The following FHIT variants were observed in gnomAD, a reference collection of about 807,000 sequenced individuals.
FHIT encodes fragile histidine triad diadenosine triphosphatase, also known as bis(5'-adenosyl)-triphosphatase.
FHIT carries 19 observed loss-of-function variants against 17.9 expected under a neutral mutation model. The ratio of observed to expected loss-of-function variants is 1.06; its 90% CI spans 0.74 to 1.56. The LOEUF is 1.56. FHIT is among the 40% of genes most tolerant of loss of function. The pLI is 0.00. For synonymous variants in FHIT, 81 were observed against 69.7 expected (o/e 1.16, Z -0.81); for missense variants, 248 against 189.2 (o/e 1.31, Z -1.82).
intron 7 of FHIT, 28 bp from the exon 8 acceptor site, chr3:59,922,442 T>A (rs1405265421): frequency 1.3e-6 from 2 of 1,573,684 alleles, no homozygotes; most frequent in Non-Finnish European, 1.7e-6. Flanking sequence ...AGAAAAAAAA[T>A]GTGATTATCT....
intron 5 of FHIT, among the ~76,000 whole-genome samples, chr3:60,448,007 A>C (rs2031461474): frequency 6.6e-6 from 1 of 152,188 alleles, no homozygotes; most frequent in South Asian, 2.1e-4. Context: ...ATTTCAGAAT[A>C]TTACCCTGTT....
At chr3:60,312,851 C>A (rs1050701142) in intron 5 of FHIT, among the ~76,000 whole-genome samples, 2 of 152,052 alleles carry the variant, frequency 1.3e-5, no homozygotes, top group Non-Finnish European at 2.9e-5. Context: ...TTAAAAATAA[C>A]AAAACAAAAC....
chr3:60,608,484 G>A (rs1259529895), intron 4 of FHIT, among the ~76,000 whole-genome samples: 1 of 152,130 alleles, frequency 6.6e-6, no homozygotes, highest in African/African-American at 2.4e-5. Flanking sequence ...GTTCACCAGA[G>A]GTTCAGTCCA....
intron 4 of FHIT, among the ~76,000 whole-genome samples, chr3:60,701,834 G>C (rs1285825739): frequency 1.3e-5 from 2 of 152,144 alleles, no homozygotes; most frequent in Admixed American, 6.5e-5. Flanking sequence ...GGAAAGGGCT[G>C]TTATCATCTT....
intron 5 of FHIT, among the ~76,000 whole-genome samples, chr3:60,523,334 A>T (rs2035446236): frequency 4.6e-5 from 7 of 152,228 alleles, no homozygotes; most frequent in African/African-American, 1.4e-4. Context: ...GCTTTTTTTT[A>T]AAGCACTTAA....
intron 1 of FHIT, among the ~76,000 whole-genome samples, chr3:61,219,418 T>C (rs2039776652): frequency 6.6e-6 from 1 of 152,006 alleles, no homozygotes; most frequent in Admixed American, 6.6e-5. Context: ...CAAAAGTTCT[T>C]GTTCCAGAGT....
intron 3 of FHIT, among the ~76,000 whole-genome samples, chr3:60,872,118 C>T (rs111739854): frequency 6.8e-4 from 103 of 152,186 alleles, no homozygotes; most frequent in Middle Eastern, 3.4e-3. Flanking sequence ...TGCTGTGTGT[C>T]CCTAAGGGTG....
rs1706677582 is a variant in FHIT, at chr3:59,944,163, T to C, written c.280-21749A>G. 2.0e-5 allele frequency among the ~76,000 whole-genome samples: 3 copies of C among 152,214 alleles called. No homozygotes were observed. The South Asian group carries it at 6.2e-4, about 32-fold the overall frequency. On this transcript the variant is annotated intron_variant, in intron 7 of 9. Transcript: ENST00000492590. ...GAGATCCCTGGTAGTGTACTCTTCA[T>C]CTAGTTTCTCAAAGTACTATGCTGA...
At chr3:60,477,775 A>G (rs1057186141) in intron 5 of FHIT, among the ~76,000 whole-genome samples, 2 of 152,160 alleles carry the variant, frequency 1.3e-5, no homozygotes, top group Non-Finnish European at 2.9e-5. Flanking sequence ...CATAGTAAAC[A>G]TTTTTATCTT....
chr3:60,533,031 TA>T (rs2035843897), intron 5 of FHIT, among the ~76,000 whole-genome samples: 1 of 152,202 alleles, frequency 6.6e-6, no homozygotes, highest in South Asian at 2.1e-4. Flanking sequence ...ATACTGCCCT[TA>T]AAACACAGAT....
intron 5 of FHIT, among the ~76,000 whole-genome samples, chr3:60,521,858 GCT>G (rs1434229984): frequency 6.6e-6 from 1 of 152,168 alleles, no homozygotes. Flanking sequence ...GGCAGGCAGA[GCT>G]CTTTCTTCTC....
intron 1 of FHIT, among the ~76,000 whole-genome samples, chr3:61,248,807 G>A (rs1426476998): frequency 6.6e-6 from 1 of 152,204 alleles, no homozygotes; most frequent in Non-Finnish European, 1.5e-5. Flanking sequence ...CCACACTACT[G>A]TGAGGACTCC....
chr3:61,091,936 TAAAAAAAAA>T (rs58005720), intron 2 of FHIT, among the ~76,000 whole-genome samples: 1 of 61,276 alleles, frequency 1.6e-5, no homozygotes, highest in East Asian at 5.0e-4. Context: ...AGACCTTGTC[TAAAAAAAAA>T]AAAAAAAAAA....
chr3:60,087,108 C>T (rs1386690809), intron 5 of FHIT, among the ~76,000 whole-genome samples: 1 of 152,220 alleles, frequency 6.6e-6, no homozygotes, highest in South Asian at 2.1e-4. Flanking sequence ...TCATGGCTTG[C>T]ACCCTCCAGA....
intron 4 of FHIT, among the ~76,000 whole-genome samples, chr3:60,597,642 G>A (rs1160112855): frequency 1.3e-5 from 2 of 152,150 alleles, no homozygotes; most frequent in African/African-American, 4.8e-5. Flanking sequence ...CCAAGGAAAT[G>A]TCAGGGAATT....
At chr3:60,746,444 A>C (rs569233027) in intron 4 of FHIT, among the ~76,000 whole-genome samples, 1 of 152,326 alleles carries the variant, frequency 6.6e-6, no homozygotes, top group East Asian at 1.9e-4. Context: ...TTCAGGAGCG[A>C]CAGCAGCGGC....
intron 5 of FHIT, among the ~76,000 whole-genome samples, chr3:60,286,797 C>A (rs1707750005): frequency 6.6e-6 from 1 of 152,146 alleles, no homozygotes; most frequent in South Asian, 2.1e-4. Context: ...ACTGAAAGGT[C>A]AAGCAATAAT....
chr3:59,864,358 A>T lies in FHIT; in HGVS notation c.348+57988T>A, dbSNP rs967739685. On this transcript the variant is annotated intron_variant, in intron 8 of 9. Coordinates refer to ENST00000492590, the MANE Select transcript of FHIT (RefSeq NM_002012.4). Reference sequence around the variant, plus strand: ...GGGCTTCTGCTTTTGGTTCTTCCTGATTTTCTCTTGCTGCCACCATGTAAG... The same window carrying T: ...GGGCTTCTGCTTTTGGTTCTTCCTGTTTTTCTCTTGCTGCCACCATGTAAG... 1.2e-4 allele frequency among the ~76,000 whole-genome samples: 18 copies of T among 151,878 alleles called. No individual in the cohort carries two copies. The East Asian group carries it at 3.5e-3, about 29-fold the overall frequency.
In FHIT at chr3:60,813,867, T is replaced by G. The variant is rs139113975; in HGVS notation, c.-18+8052A>C. On this transcript the variant is annotated intron_variant, in intron 4 of 9. Coordinates refer to ENST00000492590, the MANE Select transcript of FHIT (RefSeq NM_002012.4). ...CTTCTTCTTTATCTCTGATAATATT[T>G]TTTGTCTTAAAGTTGAGTTTGTCTG... Among the ~76,000 whole-genome samples the G allele has an allele frequency of 6.5e-3, 992 of 152,306 alleles. 7 individuals carry two copies. The highest frequency in any genetic ancestry group is 0.023 in the African/African-American group (954 of 41,578).
Sources: gnomAD v4.1 joint callset for allele counts (sites outside exome capture counted in the v4.1 genomes callset) on GRCh38, gnomAD v4.1.1 for gene constraint, MANE v1.5 for transcripts, NCBI Gene and HGNC (gene_info 2026-07-23, HGNC 2026-07-21) for gene names.